The following GYPE variants were observed in gnomAD, a reference collection of about 807,000 sequenced individuals.
The protein encoded by GYPE is glycophorin E (MNS blood group).
In GYPE, 8 loss-of-function variants were observed where a neutral mutation model predicts 11.6. The ratio of observed to expected loss-of-function variants is 0.69; its 90% CI spans 0.41 to 1.25. The LOEUF is 1.25. Ranked by LOEUF, GYPE falls within the 50% of genes most tolerant of loss-of-function variation. The probability of loss-of-function intolerance (pLI) is 0.01; values close to 1 mark genes in which losing one functional copy is unlikely to be tolerated. For synonymous variants in GYPE, 28 were observed against 29.6 expected (o/e 0.94, Z 0.18); for missense variants, 90 against 92.8 (o/e 0.97, Z 0.12).
intron 3 of GYPE, chr4:143,873,433 T>C (rs370942707): frequency 6.4e-5 from 29 of 455,802 alleles, no homozygotes; most frequent in African/African-American, 3.8e-4. Flanking sequence ...AAATTTCCTT[T>C]ATTTGCTTTT....
intron 1 of GYPE, among the ~76,000 whole-genome samples, chr4:143,901,117 A>G (rs1216447150): frequency 6.6e-6 from 1 of 152,182 alleles, no homozygotes; most frequent in Admixed American, 6.5e-5. Flanking sequence ...CCTGCTGTAT[A>G]TAAATCTAGG....
At chr4:143,902,473 TA>T (rs1744904146) in intron 1 of GYPE, among the ~76,000 whole-genome samples, 1 of 152,082 alleles carries the variant, frequency 6.6e-6, no homozygotes, top group Non-Finnish European at 1.5e-5. Context: ...TCACTGTGTC[TA>T]ACCAGATGAA....
At chr4:143,891,320 TTTTTG>T (rs1744393567) in intron 1 of GYPE, among the ~76,000 whole-genome samples, 1 of 14,956 alleles carries the variant, frequency 6.7e-5, no homozygotes, top group African/African-American at 7.4e-5. Context: ...ATTTTGATTT[TTTTTG>T]TTTCTTTTTT....
At chr4:143,881,054 A>G (rs1381548717) in intron 1 of GYPE, among the ~76,000 whole-genome samples, 4 of 152,108 alleles carry the variant, frequency 2.6e-5, no homozygotes, top group Admixed American at 2.6e-4. Flanking sequence ...GCTAGGGACA[A>G]TCTTACTTCT....
chr4:143,880,428 A>G lies in GYPE; in HGVS notation c.119T>C (p.Ile40Thr). The G allele has an allele frequency of 6.2e-7, 1 of 1,613,998 alleles. No homozygotes were observed. The highest frequency in any genetic ancestry group is 2.2e-5 in the East Asian group (1 of 44,882). The change falls in exon 2 of 4, where the codon ATC becomes ACC. Residue 40 changes from isoleucine to threonine, a missense_variant. By Grantham distance (89) the Ile-to-Thr change is moderately conservative. Transcript: ENST00000358615. ...STSSSVTKSYISSQTNGITLI... is the reference protein window; with the variant it reads ...STSSSVTKSYTSSQTNGITLI... Reference sequence around the variant, plus strand: ...AAACAAACCATTTGTCTGTGATGAGATGTAACTCTTTGTGACTGAAGAAGA... The same window carrying G: ...AAACAAACCATTTGTCTGTGATGAGGTGTAACTCTTTGTGACTGAAGAAGA...
chr4:143,901,907 TG>T (rs1180465040), intron 1 of GYPE, among the ~76,000 whole-genome samples: 1 of 152,034 alleles, frequency 6.6e-6, no homozygotes, highest in East Asian at 1.9e-4. Flanking sequence ...GAGTTCACAG[TG>T]GGTGTCTGTT....
chr4:143,880,584 C>T, intron 1 of GYPE, 75 bp from the exon 2 acceptor site: 3 of 1,608,844 alleles, frequency 1.9e-6, no homozygotes, highest in Non-Finnish European at 2.6e-6. Context: ...TCACAAAAGA[C>T]AAATTCCCTC....
intron 1 of GYPE, among the ~76,000 whole-genome samples, chr4:143,904,502 G>T (rs1744985617): frequency 1.3e-5 from 2 of 152,128 alleles, no homozygotes; most frequent in South Asian, 4.1e-4. Context: ...TGTTCCTCAT[G>T]CCTGTGCTCT....
Position 143,876,711 on chromosome 4 carries a change from G to A in GYPE, c.*9+35C>T, listed in dbSNP as rs756469500. ...AAACCCTCCGAGAGCTGTTCACACT[G>A]GTATTTAGAGCAAAATTAAAAACTG... On this transcript the variant is annotated intron_variant, in intron 3 of 3. Coordinates refer to ENST00000358615, the MANE Select transcript of GYPE (RefSeq NM_198682.3). 3 of 1,052,304 alleles carry A rather than the reference G, an allele frequency of 2.9e-6. No homozygotes were observed. In the East Asian group the frequency reaches 7.4e-5, roughly 26 times the overall value. The allele number at this position is 1,052,304 out of a possible 1,614,324, so 65.2% of individuals were successfully genotyped here.
chr4:143,899,856 A>G lies in GYPE; in HGVS notation c.37+5615T>C, dbSNP rs1429674952. Reference sequence around the variant, plus strand: ...AAGAGAAGAACTACAAAACTCTTAGAAGAAATCATAGGGAGAAATTTTTAT... The same window carrying G: ...AAGAGAAGAACTACAAAACTCTTAGGAGAAATCATAGGGAGAAATTTTTAT... On this transcript the variant is annotated intron_variant, in intron 1 of 3. Coordinates refer to ENST00000358615, the MANE Select transcript of GYPE (RefSeq NM_198682.3). Among the ~76,000 whole-genome samples the G allele has an allele frequency of 2.4e-3, 37 of 15,688 alleles. 16 individuals carry two copies. Among genetic ancestry groups the G allele is most frequent in the Admixed American group, 6.0e-3 (4 of 670 alleles). 10.3% of individuals were successfully genotyped at this position (15,688 alleles called of 152,430 possible). A position where few individuals can be genotyped will look rare whatever the true frequency, so the allele number is the denominator to read the frequency against.
chr4:143,889,594 T>C (rs930725241), intron 1 of GYPE, among the ~76,000 whole-genome samples: 1 of 152,192 alleles, frequency 6.6e-6, no homozygotes, highest in Non-Finnish European at 1.5e-5. Context: ...CTCAAACTCC[T>C]AGGCTCAAGC....
chr4:143,896,315 AAAAC>A lies in GYPE; in HGVS notation c.37+9152_37+9155del, dbSNP rs1450522286. ...TGAACTCAAACAAATTTACAAGAAA[AAAAC>A]AAACAACCCCATCAAAAAGTGGGCA... is the stretch of plus-strand genomic sequence containing the variant. On this transcript the variant is annotated intron_variant, in intron 1 of 3. Transcript: ENST00000358615. 1.6e-3 allele frequency among the ~76,000 whole-genome samples: 240 copies of A among 152,282 alleles called. 1 individual carries two copies. The highest frequency in any genetic ancestry group is 2.6e-3 in the Non-Finnish European group (177 of 68,032).
chr4:143,883,153 G>A (rs1308325928), intron 1 of GYPE, among the ~76,000 whole-genome samples: 2 of 151,956 alleles, frequency 1.3e-5, no homozygotes, highest in African/African-American at 2.4e-5. Context: ...ATAAGATCTG[G>A]TTGTTTAAAA....
chr4:143,889,623 T>A (rs1744328745), intron 1 of GYPE, among the ~76,000 whole-genome samples: 1 of 152,244 alleles, frequency 6.6e-6, no homozygotes, highest in Non-Finnish European at 1.5e-5. Flanking sequence ...TGCCTCATTC[T>A]ACTGAGCAAC....
At chr4:143,882,630 T>A (rs946453703) in intron 1 of GYPE, among the ~76,000 whole-genome samples, 10 of 152,342 alleles carry the variant, frequency 6.6e-5, no homozygotes, top group African/African-American at 1.2e-4. Flanking sequence ...TTGGCTCAGC[T>A]ACATGGGAAT....
intron 1 of GYPE, among the ~76,000 whole-genome samples, chr4:143,896,162 C>T (rs1744623972): frequency 6.6e-6 from 1 of 152,034 alleles, no homozygotes; most frequent in African/African-American, 2.4e-5. Flanking sequence ...CAAATGGGAT[C>T]TAATTAAACT....
intron 3 of GYPE, among the ~76,000 whole-genome samples, chr4:143,872,914 T>G (rs923792700): frequency 1.3e-5 from 2 of 152,088 alleles, no homozygotes; most frequent in Non-Finnish European, 2.9e-5. Context: ...GCTGAGCATG[T>G]GGACAGGTCA....
At chr4:143,874,111 T>G (rs538361271) in intron 3 of GYPE, among the ~76,000 whole-genome samples, 1 of 152,288 alleles carries the variant, frequency 6.6e-6, no homozygotes, top group South Asian at 2.1e-4. Flanking sequence ...TGTATATATA[T>G]GTATATATGT....
intron 2 of GYPE, among the ~76,000 whole-genome samples, chr4:143,877,729 A>G (rs1743868956): frequency 6.6e-6 from 1 of 151,478 alleles, no homozygotes; most frequent in African/African-American, 2.4e-5. Flanking sequence ...ATAGTGATGA[A>G]GTTCTATGAT....
Sources: allele counts gnomAD v4.1 joint callset (sites outside exome capture counted in the v4.1 genomes callset), GRCh38; gene constraint gnomAD v4.1.1; transcripts MANE v1.5; gene names NCBI Gene and HGNC (gene_info 2026-07-23, HGNC 2026-07-21).